The following CTNNA1 variants were observed in gnomAD, a reference collection of about 807,000 sequenced individuals.
The protein encoded by CTNNA1 is catenin alpha-1.
Under a neutral mutation model 98.4 loss-of-function variants are expected in CTNNA1, and 37 were observed. The ratio of observed to expected loss-of-function variants is 0.38; its 90% CI spans 0.29 to 0.49. The LOEUF (loss-of-function observed/expected upper bound fraction) is 0.49. Ranked by LOEUF, CTNNA1 falls within the 20% of genes least tolerant of loss-of-function variation. CTNNA1 has a pLI of 0.95. For missense variants in CTNNA1, 761 were observed against 1,147.2 expected, an observed-to-expected ratio of 0.66 and a Z score of 4.86; for synonymous variants, 404 against 413.2, an observed-to-expected ratio of 0.98 and a Z score of 0.27.
At chr5:138,865,960 C>T (rs1425938416) in intron 7 of CTNNA1, among the ~76,000 whole-genome samples, 2 of 152,104 alleles carry the variant, frequency 1.3e-5, no homozygotes, top group Admixed American at 6.6e-5. Context: ...TGTTTTTGTT[C>T]ATCACAAGAG....
intron 9 of CTNNA1, among the ~76,000 whole-genome samples, chr5:138,895,394 G>C (rs1016492264): frequency 1.3e-4 from 20 of 152,138 alleles, no homozygotes; most frequent in Admixed American, 1.3e-3. Flanking sequence ...TATATACCCA[G>C]TGTGCACAAG....
At chr5:138,779,187 C>A (rs923408033) in intron 1 of CTNNA1, among the ~76,000 whole-genome samples, 4 of 151,860 alleles carry the variant, frequency 2.6e-5, no homozygotes, top group Non-Finnish European at 5.9e-5. Context: ...CCAGTTTTCA[C>A]CCAGTAGTTT....
intron 9 of CTNNA1, among the ~76,000 whole-genome samples, chr5:138,903,412 C>T (rs1174046347): frequency 6.6e-6 from 1 of 152,176 alleles, no homozygotes; most frequent in African/African-American, 2.4e-5. Context: ...ACGCCTTTAT[C>T]ATTCATAACT....
intron 7 of CTNNA1, among the ~76,000 whole-genome samples, chr5:138,842,117 T>C (rs1762323164): frequency 6.6e-6 from 1 of 152,156 alleles, no homozygotes; most frequent in Non-Finnish European, 1.5e-5. Context: ...CGGGGCAACA[T>C]GGCAAAACTC....
At chr5:138,842,157 G>A (rs962126573) in intron 7 of CTNNA1, among the ~76,000 whole-genome samples, 6 of 152,202 alleles carry the variant, frequency 3.9e-5, no homozygotes, top group South Asian at 2.1e-4. Context: ...AGAATTAGCC[G>A]AGCATGGTGG....
rs28363405 is a variant in CTNNA1, at chr5:138,824,458, A to G, written c.589-72A>G. 8.0e-4 allele frequency: 1,217 copies of G among 1,517,958 alleles called. 15 individuals carry two copies. The East Asian group carries it at 0.021, about 27-fold the overall frequency. The allele number at this position is 1,517,958 out of a possible 1,614,324, so 94.0% of individuals were successfully genotyped here. A position where few individuals can be genotyped will look rare whatever the true frequency, so the allele number is the denominator to read the frequency against. ...TAGAAATTCTAACTTTTCAGCATTT[A>G]CCAGCAAATTTTTATATGAGTAAAG... On this transcript the variant is annotated intron_variant, in intron 5 of 17. Transcript: ENST00000302763.
intron 9 of CTNNA1, among the ~76,000 whole-genome samples, chr5:138,897,947 G>C (rs1404330373): frequency 6.6e-6 from 1 of 152,196 alleles, no homozygotes; most frequent in Non-Finnish European, 1.5e-5. Flanking sequence ...CCTTTGCTCT[G>C]TTCCAGAAAA....
At chr5:138,759,485 G>A (rs938633528) in intron 1 of CTNNA1, among the ~76,000 whole-genome samples, 1 of 152,210 alleles carries the variant, frequency 6.6e-6, no homozygotes, top group African/African-American at 2.4e-5. Flanking sequence ...AGAGAAAAAT[G>A]AAGGAAGTAG....
chr5:138,910,116 C>T (rs1190773458), intron 10 of CTNNA1, among the ~76,000 whole-genome samples: 7 of 152,002 alleles, frequency 4.6e-5, no homozygotes, highest in African/African-American at 7.3e-5. Context: ...CCCTCCTTGA[C>T]TGAGGTCTAC....
intron 7 of CTNNA1, among the ~76,000 whole-genome samples, chr5:138,852,882 T>C (rs994760562): frequency 6.5e-5 from 2 of 31,004 alleles, no homozygotes; most frequent in African/African-American, 1.9e-4. Context: ...CACACACACA[T>C]TTTTGCATAG....
intron 5 of CTNNA1, among the ~76,000 whole-genome samples, chr5:138,817,334 T>G (rs1171193497): frequency 6.6e-6 from 1 of 152,210 alleles, no homozygotes; most frequent in Non-Finnish European, 1.5e-5. Flanking sequence ...ATCTTTGTCT[T>G]TTGACTTTTG....
intron 9 of CTNNA1, among the ~76,000 whole-genome samples, chr5:138,890,419 G>A (rs1001630101): frequency 4.6e-5 from 7 of 152,182 alleles, no homozygotes; most frequent in African/African-American, 1.7e-4. Context: ...TGACCAGCCA[G>A]GTACAAATCT....
At chr5:138,850,272 C>T (rs1272438851) in intron 7 of CTNNA1, among the ~76,000 whole-genome samples, 1 of 152,188 alleles carries the variant, frequency 6.6e-6, no homozygotes, top group Non-Finnish European at 1.5e-5. Context: ...GATATTTAAT[C>T]CTGGATGCCT....
chr5:138,753,466 C>T lies in CTNNA1; in HGVS notation c.-47C>T. 2.6e-6 allele frequency: 1 copy of T among 378,168 alleles called. No individual in the cohort carries two copies. Among genetic ancestry groups the T allele is most frequent in the Non-Finnish European group, 4.7e-6 (1 of 212,710 alleles). 23.4% of individuals were successfully genotyped at this position (378,168 alleles called of 1,614,324 possible). A position where few individuals can be genotyped will look rare whatever the true frequency, so the allele number is the denominator to read the frequency against. On this transcript the variant is annotated 5_prime_UTR_variant, in exon 1 of 18. Transcript: ENST00000302763. The stretch of plus-strand genomic sequence containing the variant: ...TGGAGGGAGACAAAGCAGCGCCCGT[C>T]TGCTTCGGGCCTCTGGAATTTAGCG...
At chr5:138,903,826 A>AT (rs998466378) in intron 9 of CTNNA1, among the ~76,000 whole-genome samples, 26 of 151,216 alleles carry the variant, frequency 1.7e-4, no homozygotes, top group South Asian at 8.4e-4. Flanking sequence ...TCTTCATGTT[A>AT]TTTTTTTTTG....
chr5:138,875,034 T>C, intron 7 of CTNNA1: 3 of 963,328 alleles, frequency 3.1e-6, no homozygotes, highest in East Asian at 2.4e-5. Flanking sequence ...TCCCAGGCTT[T>C]CCAAGTAAAA....
At chr5:138,808,744 C>T (rs1018396100) in intron 3 of CTNNA1, among the ~76,000 whole-genome samples, 3 of 151,182 alleles carry the variant, frequency 2.0e-5, no homozygotes, top group African/African-American at 7.3e-5. Context: ...GGGTTTTAGG[C>T]TTTAATGTGA....
At chr5:138,757,622 A>C (rs890975154) in intron 1 of CTNNA1, among the ~76,000 whole-genome samples, 35 of 152,244 alleles carry the variant, frequency 2.3e-4, no homozygotes, top group African/African-American at 7.7e-4. Flanking sequence ...ATTTTTTAGC[A>C]CTGGGTGGTG....
chr5:138,791,433 A>T (rs1756347264), intron 3 of CTNNA1, among the ~76,000 whole-genome samples: 1 of 151,936 alleles, frequency 6.6e-6, no homozygotes, highest in Non-Finnish European at 1.5e-5. Context: ...CCTGGCCAAC[A>T]TGGTGAAACC....
Sources: allele counts gnomAD v4.1 joint callset (sites outside exome capture counted in the v4.1 genomes callset), GRCh38; gene constraint gnomAD v4.1.1; transcripts MANE v1.5; gene names NCBI Gene and HGNC (gene_info 2026-07-23, HGNC 2026-07-21).